Variants in GTF2A2 observed in about 807,000 individuals in gnomAD.
The protein encoded by GTF2A2 is general transcription factor IIA subunit 2, also known as transcription initiation factor IIA subunit 2.
GTF2A2 carries 9 observed loss-of-function variants against 14.3 expected under a neutral mutation model. That is an observed-to-expected ratio of 0.63 (90% CI 0.38 to 1.10). GTF2A2 has a LOEUF of 1.10. Among genes scored for constraint, GTF2A2 ranks in the 50% least tolerant of loss-of-function variants. The pLI, the probability that GTF2A2 is intolerant of heterozygous loss-of-function variation, is 0.01. For synonymous variants in GTF2A2, 56 were observed against 46.0 expected (o/e 1.22, Z -0.88); for missense variants, 90 against 124.6 (o/e 0.72, Z 1.32).
intron 3 of GTF2A2, among the ~76,000 whole-genome samples, chr15:59,646,299 G>C (rs1358860727): frequency 1.3e-5 from 2 of 152,110 alleles, no homozygotes; most frequent in African/African-American, 4.8e-5. Flanking sequence ...CAAGTGGTCT[G>C]CCTGCCTTGG....
At chr15:59,648,243 A>G (rs548146590) in intron 3 of GTF2A2, among the ~76,000 whole-genome samples, 2 of 151,812 alleles carry the variant, frequency 1.3e-5, no homozygotes, top group African/African-American at 4.8e-5. Context: ...CCCATCTCTT[A>G]CTAAAAATAC....
At position 59,638,728 on chromosome 15, in the gene GTF2A2, G is replaced by T. The variant is rs114853460; in HGVS notation, c.*404C>A. 685 of 152,554 alleles carry T rather than the reference G, an allele frequency of 4.5e-3. 9 individuals carry two copies. Among genetic ancestry groups the T allele is most frequent in the African/African-American group, 0.016 (637 of 40,688 alleles). The allele number at this position is 152,554 out of a possible 1,614,324, so 9.5% of individuals were successfully genotyped here. On this transcript the variant is annotated 3_prime_UTR_variant, in exon 5 of 5. Coordinates refer to ENST00000396060, the MANE Select transcript of GTF2A2 (RefSeq NM_004492.3). ...TTGCCCCTGCTGATGCTTTCATCAG[G>T]TAAAGTTACAACTGACAAAACATGA...
At chr15:59,654,966 T>C (rs1433257639) in intron 1 of GTF2A2, among the ~76,000 whole-genome samples, 1 of 152,230 alleles carries the variant, frequency 6.6e-6, no homozygotes, top group Admixed American at 6.5e-5. Context: ...TTTTGGAGCA[T>C]TTTGAATTTG....
chr15:59,640,418 T>C (rs1169374776), intron 4 of GTF2A2, among the ~76,000 whole-genome samples: 1 of 152,230 alleles, frequency 6.6e-6, no homozygotes, highest in Non-Finnish European at 1.5e-5. Context: ...TTCAAATGTA[T>C]GGTTCAAATG....
At chr15:59,646,171 C>T (rs1891599904) in intron 3 of GTF2A2, among the ~76,000 whole-genome samples, 1 of 152,114 alleles carries the variant, frequency 6.6e-6, no homozygotes, top group South Asian at 2.1e-4. Context: ...ATTCTCCTGC[C>T]TTGGCTTCCC....
chr15:59,639,261 G>A, intron 4 of GTF2A2, 104 bp from the exon 5 acceptor site: 1 of 750,182 alleles, frequency 1.3e-6, no homozygotes, highest in Non-Finnish European at 2.4e-6. Flanking sequence ...AGGACTAATA[G>A]TGGTGGTGGC....
chr15:59,650,269 C>G (rs1479388227), intron 3 of GTF2A2, among the ~76,000 whole-genome samples: 3 of 152,144 alleles, frequency 2.0e-5, no homozygotes, highest in African/African-American at 7.2e-5. Context: ...CATGAAGTTT[C>G]TAGAAATAAC....
chr15:59,656,432 T>C (rs896457395), intron 1 of GTF2A2, among the ~76,000 whole-genome samples: 2 of 152,052 alleles, frequency 1.3e-5, no homozygotes, highest in East Asian at 3.9e-4. Context: ...ATTTCTCTTT[T>C]TTTTTTTGAT....
intron 3 of GTF2A2, among the ~76,000 whole-genome samples, chr15:59,645,128 C>T (rs1324529565): frequency 1.3e-5 from 2 of 152,066 alleles, no homozygotes; most frequent in Non-Finnish European, 2.9e-5. Flanking sequence ...GAGAAATCCA[C>T]GGTAACTCCC....
intron 1 of GTF2A2, among the ~76,000 whole-genome samples, chr15:59,655,646 G>A (rs917123217): frequency 6.6e-6 from 1 of 152,068 alleles, no homozygotes; most frequent in African/African-American, 2.4e-5. Flanking sequence ...CATTCCTTAC[G>A]GATAACATTT....
rs540587331 is a variant in GTF2A2, at chr15:59,652,150, G to A, written c.72+56C>T. 21 of 965,886 alleles carry A rather than the reference G, an allele frequency of 2.2e-5. No homozygotes were observed. In the African/African-American group the frequency reaches 3.3e-4, roughly 15 times the overall value. 59.8% of individuals were successfully genotyped at this position (965,886 alleles called of 1,614,324 possible). Reference sequence around the variant, plus strand: ...TCTCTTTGCCTAAGTGATATGACAAGAATTACTGTAAACCCATCAAGATAA... The same window carrying A: ...TCTCTTTGCCTAAGTGATATGACAAAAATTACTGTAAACCCATCAAGATAA... On this transcript the variant is annotated intron_variant, in intron 2 of 4. Transcript: ENST00000396060.
chr15:59,643,526 A>T (rs1451387809), intron 3 of GTF2A2, among the ~76,000 whole-genome samples: 1 of 151,302 alleles, frequency 6.6e-6, no homozygotes, highest in Non-Finnish European at 1.5e-5. Context: ...ACACATTCTT[A>T]TAATTAAGAA....
intron 1 of GTF2A2, among the ~76,000 whole-genome samples, chr15:59,655,070 T>C (rs1186145693): frequency 6.6e-6 from 1 of 152,236 alleles, no homozygotes; most frequent in Admixed American, 6.5e-5. Flanking sequence ...TCTACCTTTG[T>C]ATCAGGCATT....
intron 1 of GTF2A2, among the ~76,000 whole-genome samples, chr15:59,653,670 T>C (rs1891860637): frequency 6.6e-6 from 1 of 152,224 alleles, no homozygotes; most frequent in Non-Finnish European, 1.5e-5. Context: ...TATCTGGTGA[T>C]GACTCTCAAA....
Position 59,644,982 on chromosome 15 carries a change from T to C in GTF2A2, c.178-2720A>G, listed in dbSNP as rs566419954. Among the ~76,000 whole-genome samples the C allele has an allele frequency of 2.5e-4, 38 of 152,292 alleles. No individual in the cohort carries two copies. The South Asian group carries it at 7.5e-3, about 30-fold the overall frequency. ...GACCAACTATGAAGCTGATGTCTGT[T>C]AGCTGGGTGAATCAGAGAGGTGAAA... On this transcript the variant is annotated intron_variant, in intron 3 of 4. Transcript: ENST00000396060.
chr15:59,643,735 C>G (rs997608754), intron 3 of GTF2A2, among the ~76,000 whole-genome samples: 5 of 149,388 alleles, frequency 3.3e-5, no homozygotes, highest in African/African-American at 5.0e-5. Context: ...GTAGCTGGGA[C>G]TACAGGGCGT....
At chr15:59,654,467 A>C (rs1891885777) in intron 1 of GTF2A2, among the ~76,000 whole-genome samples, 1 of 152,176 alleles carries the variant, frequency 6.6e-6, no homozygotes, top group Non-Finnish European at 1.5e-5. Flanking sequence ...TATAAGAAAG[A>C]ATTACCTTCC....
intron 4 of GTF2A2, among the ~76,000 whole-genome samples, chr15:59,640,927 G>C (rs1242429059): frequency 3.6e-5 from 5 of 137,160 alleles, no homozygotes; most frequent in Non-Finnish European, 8.2e-5. Context: ...AAAGTTCTTA[G>C]AATGATTATT....
At position 59,655,138 on chromosome 15, in the gene GTF2A2, C is replaced by T. The variant is rs114283275; in HGVS notation, c.-50+2268G>A. Among the ~76,000 whole-genome samples, 934 of 152,318 alleles carry T rather than the reference C, an allele frequency of 6.1e-3. 16 individuals are homozygous for T. The highest frequency in any genetic ancestry group is 0.021 in the African/African-American group (865 of 41,568). ...CAATTCAGTTGTTACTTCTCTCCCT[C>T]ACCATCAAATTTTCCCTCTCTGCGG... On this transcript the variant is annotated intron_variant, in intron 1 of 4. Coordinates refer to ENST00000396060, the MANE Select transcript of GTF2A2 (RefSeq NM_004492.3).
Sources: gnomAD v4.1 joint callset for allele counts (sites outside exome capture counted in the v4.1 genomes callset) on GRCh38, gnomAD v4.1.1 for gene constraint, MANE v1.5 for transcripts, NCBI Gene and HGNC (gene_info 2026-07-23, HGNC 2026-07-21) for gene names.